DIP2A: variants seen among roughly 807,000 people sequenced by gnomAD.
DIP2A encodes DIP2 acetate--CoA ligase A, also known as disco-interacting protein 2 homolog A.
A neutral mutation model predicts 177.4 loss-of-function variants in DIP2A; 85 were observed. The ratio of observed to expected loss-of-function variants is 0.48; its 90% CI spans 0.40 to 0.57. DIP2A has a LOEUF of 0.57. Ranked by LOEUF, DIP2A falls within the 20% of genes least tolerant of loss-of-function variation. DIP2A has a pLI of 0.00. For synonymous variants in DIP2A, 886 were observed against 881.8 expected, an observed-to-expected ratio of 1.00 and a Z score of -0.08; for missense variants, 1,791 against 2,100.2, an observed-to-expected ratio of 0.85 and a Z score of 2.88.
At chr21:46,474,599 C>T (rs2055681835) in intron 1 of DIP2A, among the ~76,000 whole-genome samples, 1 of 152,110 alleles carries the variant, frequency 6.6e-6, no homozygotes, top group Non-Finnish European at 1.5e-5. Flanking sequence ...GACTGTACTT[C>T]CTCAAATCTC....
In DIP2A at chr21:46,551,766, G is replaced by A. The variant is rs545296447; in HGVS notation, c.2949+23G>A. ...AAGGTGACAGGCCAGTTCCGGGGAC[G>A]GGTGGACGGGTGTCTGTGCCCCGGA... On this transcript the variant is annotated intron_variant, in intron 24 of 37. Coordinates refer to ENST00000417564, the MANE Select transcript of DIP2A (RefSeq NM_015151.4). 4.1e-5 allele frequency: 66 copies of A among 1,613,530 alleles called. No individual in the cohort carries two copies. The Middle Eastern group carries it at 5.0e-4, about 12-fold the overall frequency.
intron 1 of DIP2A, among the ~76,000 whole-genome samples, chr21:46,473,459 A>G (rs999407922): frequency 9.0e-5 from 11 of 122,320 alleles, no homozygotes; most frequent in Admixed American, 1.5e-4. Context: ...TGTCTCAGGG[A>G]AAAAAAAAGG....
intron 1 of DIP2A, among the ~76,000 whole-genome samples, chr21:46,471,067 G>A (rs901309077): frequency 6.6e-6 from 1 of 152,006 alleles, no homozygotes; most frequent in Non-Finnish European, 1.5e-5. Flanking sequence ...ATTTAATCTC[G>A]CTCTGTTGCC....
intron 23 of DIP2A, 100 bp downstream of exon 23, chr21:46,550,844 C>T (rs2060246063): frequency 2.4e-6 from 3 of 1,230,358 alleles, no homozygotes; most frequent in African/African-American, 1.5e-5. Context: ...GTGCCAACTG[C>T]CCACGTCTTT....
chr21:46,475,704 G>C (rs1322276345), intron 1 of DIP2A, among the ~76,000 whole-genome samples: 1 of 152,154 alleles, frequency 6.6e-6, no homozygotes, highest in Non-Finnish European at 1.5e-5. Flanking sequence ...AAAAAATGAA[G>C]ATTTGGACAC....
intron 3 of DIP2A, among the ~76,000 whole-genome samples, chr21:46,491,035 A>C (rs981478903): frequency 2.0e-5 from 3 of 152,152 alleles, no homozygotes; most frequent in African/African-American, 4.8e-5. Context: ...TTTACTTTGA[A>C]GTTGATACTA....
At chr21:46,542,256 A>G (rs892076283) in intron 18 of DIP2A, among the ~76,000 whole-genome samples, 13 of 152,200 alleles carry the variant, frequency 8.5e-5, no homozygotes, top group Non-Finnish European at 1.9e-4. Flanking sequence ...TGGCCTATGC[A>G]ACTCACTTAC....
Position 46,515,692 on chromosome 21 carries a change from A to G in DIP2A, c.1102+4078A>G, listed in dbSNP as rs915619340. On this transcript the variant is annotated intron_variant, in intron 8 of 37. Transcript: ENST00000417564. ...CCTGGGACCACAGGCACACACCATC[A>G]TGCTTGGCTACTTTTTTGTATTTTT... 3.3e-5 allele frequency among the ~76,000 whole-genome samples: 5 copies of G among 151,822 alleles called. No homozygotes were observed. In the East Asian group the frequency reaches 9.7e-4, roughly 29 times the overall value.
At chr21:46,459,780 C>T (rs961157095) in intron 1 of DIP2A, among the ~76,000 whole-genome samples, 1 of 152,132 alleles carries the variant, frequency 6.6e-6, no homozygotes, top group Admixed American at 6.5e-5. Context: ...CCCGGGACGC[C>T]TGCCAAACTT....
In DIP2A at chr21:46,554,807, C is replaced by T. The variant is rs769058078; in HGVS notation, c.3277-15C>T. 7.4e-6 allele frequency: 11 copies of T among 1,483,314 alleles called. No homozygotes were observed. The East Asian group carries it at 2.5e-4, about 34-fold the overall frequency. 91.9% of individuals were successfully genotyped at this position (1,483,314 alleles called of 1,614,324 possible). A position where few individuals can be genotyped will look rare whatever the true frequency, so the allele number is the denominator to read the frequency against. On this transcript the variant is annotated splice_polypyrimidine_tract_variant and intron_variant, in intron 27 of 37. Coordinates refer to ENST00000417564, the MANE Select transcript of DIP2A (RefSeq NM_015151.4). ...AGAGGCCCCGCCCACCCACCCTTGG[C>T]CCCTCGCCATGCAGGTCAGCAAGTC...
chr21:46,463,410 T>A (rs2054494139), intron 1 of DIP2A, among the ~76,000 whole-genome samples: 1 of 152,220 alleles, frequency 6.6e-6, no homozygotes, highest in Admixed American at 6.5e-5. Context: ...GTTCTTTGTT[T>A]TAATAGACTA....
At chr21:46,509,003 G>T (rs1406739132) in intron 6 of DIP2A, among the ~76,000 whole-genome samples, 1 of 152,038 alleles carries the variant, frequency 6.6e-6, no homozygotes, top group Non-Finnish European at 1.5e-5. Context: ...TGGCAACAGA[G>T]TGAGTCTCCG....
chr21:46,559,883 C>T (rs983922084), intron 32 of DIP2A, among the ~76,000 whole-genome samples: 1 of 152,184 alleles, frequency 6.6e-6, no homozygotes, highest in Admixed American at 6.5e-5. Flanking sequence ...TGACCTTGAC[C>T]TTGTTGGTGC....
At chr21:46,491,621 CT>C (rs2057019954) in intron 3 of DIP2A, among the ~76,000 whole-genome samples, 1 of 152,186 alleles carries the variant, frequency 6.6e-6, no homozygotes, top group Non-Finnish European at 1.5e-5. Flanking sequence ...CCTGATACCC[CT>C]GAATCCTGAG....
Position 46,490,602 on chromosome 21 carries a change from A to G in DIP2A, c.166A>G (p.Ile56Val). 6.4e-7 allele frequency: 1 copy of G among 1,561,542 alleles called. No individual in the cohort carries two copies. Among genetic ancestry groups the G allele is most frequent in the Non-Finnish European group, 8.7e-7 (1 of 1,152,908 alleles). Residue 56 changes from isoleucine (I) to valine (V), a missense_variant and splice_region_variant, in exon 3 of 38, where the codon ATA (isoleucine) becomes GTA (valine). Coordinates refer to ENST00000417564, the MANE Select transcript of DIP2A (RefSeq NM_015151.4). ...LARYIPLIQG[I>V]DPSLQAENRI... ...ATTCCCATAAAATTGTGTTTCAGGAATAGACCCATCTCTGCAAGCAGAGAA... is the reference window on the plus strand; with the variant it reads ...ATTCCCATAAAATTGTGTTTCAGGAGTAGACCCATCTCTGCAAGCAGAGAA...
the DIP2A span, among the ~76,000 whole-genome samples, chr21:46,580,744 TTTTC>T: frequency 6.6e-6 from 1 of 152,254 alleles, no homozygotes; most frequent in East Asian, 1.9e-4. Flanking sequence ...TTGGAAATTC[TTTTC>T]TTTAAGAATG....
intron 8 of DIP2A, among the ~76,000 whole-genome samples, chr21:46,516,009 A>G (rs1308877452): frequency 1.3e-5 from 2 of 152,054 alleles, no homozygotes; most frequent in Non-Finnish European, 2.9e-5. Context: ...TCATTTTTGA[A>G]GGTTATATTT....
chr21:46,475,129 G>GA (rs1254255258), intron 1 of DIP2A, among the ~76,000 whole-genome samples: 1 of 152,186 alleles, frequency 6.6e-6, no homozygotes, highest in African/African-American at 2.4e-5. Flanking sequence ...ATGTGCAGCT[G>GA]AAAGGTTGGA....
At chr21:46,525,989 A>G (rs965052054) in intron 8 of DIP2A, among the ~76,000 whole-genome samples, 4 of 150,036 alleles carry the variant, frequency 2.7e-5, no homozygotes, top group Non-Finnish European at 5.9e-5. Context: ...GCTCACTGCA[A>G]CCTCTGCCTC....
Sources: allele counts gnomAD v4.1 joint callset (sites outside exome capture counted in the v4.1 genomes callset), GRCh38; gene constraint gnomAD v4.1.1; transcripts MANE v1.5; gene names NCBI Gene and HGNC (gene_info 2026-07-23, HGNC 2026-07-21).